DISC1: variants seen among roughly 807,000 people sequenced by gnomAD.
DISC1 encodes the protein DISC1 scaffold protein, also known as disrupted in schizophrenia 1 protein.
In DISC1, 57 loss-of-function variants were observed where a neutral mutation model predicts 84.5. That is an observed-to-expected ratio of 0.67 (90% CI 0.55 to 0.84). The LOEUF is 0.84. DISC1 is among the 40% of genes least tolerant of loss of function. DISC1 has a pLI of 0.00. For missense variants in DISC1, 1,000 were observed against 1,057.8 expected (o/e 0.95, Z 0.76); for synonymous variants, 411 against 415.2 (o/e 0.99, Z 0.12).
At chr1:231,743,686 C>T (rs200104378) in intron 3 of DISC1, among the ~76,000 whole-genome samples, 48 of 152,324 alleles carry the variant, frequency 3.2e-4, no homozygotes, top group Non-Finnish European at 6.2e-4. Flanking sequence ...AGTGGGGTGT[C>T]TGAATTAGCT....
intron 10 of DISC1, among the ~76,000 whole-genome samples, chr1:231,985,389 T>C (rs821662): frequency 0.43 from 64,316 of 150,324 alleles, 15,541 homozygotes; most frequent in African/African-American, 0.67. Context: ...CTTCAGTGTG[T>C]TATTATGCAG....
At chr1:231,642,428 C>T (rs1399979321) in intron 1 of DISC1, among the ~76,000 whole-genome samples, 11 of 152,294 alleles carry the variant, frequency 7.2e-5, no homozygotes, top group Admixed American at 5.9e-4. Context: ...GTGCCGAGAG[C>T]GAGCGCGGGC....
chr1:231,678,500 C>G (rs1220348889), intron 1 of DISC1, among the ~76,000 whole-genome samples: 2 of 152,192 alleles, frequency 1.3e-5, no homozygotes, highest in Non-Finnish European at 2.9e-5. Flanking sequence ...TTCATGTTCT[C>G]CAATCTTTCC....
At chr1:231,869,047 C>T (rs1305422392) in intron 9 of DISC1, among the ~76,000 whole-genome samples, 6 of 151,938 alleles carry the variant, frequency 3.9e-5, no homozygotes, top group Non-Finnish European at 7.4e-5. Context: ...GTTGCTGGAC[C>T]CATAATGAGA....
At chr1:231,828,713 C>A (rs1356474333) in intron 9 of DISC1, among the ~76,000 whole-genome samples, 1 of 152,046 alleles carries the variant, frequency 6.6e-6, no homozygotes, top group Non-Finnish European at 1.5e-5. Context: ...TCTGTGCTTG[C>A]AGTACAGGAA....
chr1:231,985,471 A>G (rs1664293670), intron 10 of DISC1, among the ~76,000 whole-genome samples: 1 of 152,154 alleles, frequency 6.6e-6, no homozygotes, highest in African/African-American at 2.4e-5. Context: ...TGCCATTCGT[A>G]GCAGCAGGAT....
intron 1 of DISC1, among the ~76,000 whole-genome samples, chr1:231,666,025 G>C (rs1357717587): frequency 6.6e-6 from 1 of 152,164 alleles, no homozygotes; most frequent in African/African-American, 2.4e-5. Context: ...TCTCTTAAAA[G>C]GTGGTGCTTA....
intron 9 of DISC1, among the ~76,000 whole-genome samples, chr1:231,952,090 CAAA>C (rs11392611): frequency 0.16 from 8,574 of 53,646 alleles, 196 homozygotes; most frequent in African/African-American, 0.29. Flanking sequence ...CTCAATGTCT[CAAA>C]AAAAAAAAAA....
At position 231,938,129 on chromosome 1, in the gene DISC1, T is replaced by A. The variant is rs145643963; in HGVS notation, c.1982-20699T>A. Among the ~76,000 whole-genome samples, 5 of 152,216 alleles carry A rather than the reference T, an allele frequency of 3.3e-5. No homozygotes were observed. The East Asian group carries it at 9.7e-4, about 29-fold the overall frequency. Reference sequence around the variant, plus strand: ...GATGTGGTAGGCAGAATAATGACCCTCCCAAGGATGTCCATGCCCTTATCC... The same window carrying A: ...GATGTGGTAGGCAGAATAATGACCCACCCAAGGATGTCCATGCCCTTATCC... On this transcript the variant is annotated intron_variant, in intron 9 of 12. Transcript: ENST00000439617.
chr1:231,755,212 AT>A (rs903060975), intron 4 of DISC1, among the ~76,000 whole-genome samples: 395 of 143,656 alleles, frequency 2.7e-3, no homozygotes, highest in Non-Finnish European at 3.7e-3. Flanking sequence ...TTTCTTCTTA[AT>A]TTTTTTTTTT....
chr1:231,994,883 T>A (rs1665699820), intron 10 of DISC1, among the ~76,000 whole-genome samples: 2 of 152,184 alleles, frequency 1.3e-5, no homozygotes, highest in Admixed American at 6.5e-5. Context: ...GGGGTTGCTA[T>A]CCATTGTGTT....
chr1:231,786,212 A>G (rs1337114351), intron 6 of DISC1, among the ~76,000 whole-genome samples: 1 of 152,352 alleles, frequency 6.6e-6, no homozygotes, highest in East Asian at 1.9e-4. Flanking sequence ...TTTTTGAATG[A>G]TAGAGCAGTT....
chr1:231,956,234 C>T (rs1659478669), intron 9 of DISC1, among the ~76,000 whole-genome samples: 1 of 152,170 alleles, frequency 6.6e-6, no homozygotes, highest in Non-Finnish European at 1.5e-5. Context: ...TCATATGCTT[C>T]ATTGAACCTA....
At chr1:231,904,229 A>C (rs2088443373) in intron 9 of DISC1, among the ~76,000 whole-genome samples, 1 of 152,204 alleles carries the variant, frequency 6.6e-6, no homozygotes, top group African/African-American at 2.4e-5. Flanking sequence ...TAACAGCTAC[A>C]TGTTGTTCCA....
chr1:231,972,042 A>G (rs536414975), intron 10 of DISC1, among the ~76,000 whole-genome samples: 1 of 152,212 alleles, frequency 6.6e-6, no homozygotes, highest in Admixed American at 6.5e-5. Context: ...GTGGTTTTGC[A>G]ATGGAGGCGT....
Position 231,694,112 on chromosome 1 carries a change from T to G in DISC1, c.354T>G (p.Phe118Leu). Residue 118 changes from phenylalanine to leucine, a missense_variant, in exon 2 of 13, where the codon TTT (phenylalanine) becomes TTG (leucine). Transcript: ENST00000439617. ...VTSVRGTSAH[F>L]GIQLRGGTRL... ...CTGTGAGAGGAACCTCGGCGCACTT[T>G]GGGATTCAGCTCAGAGGTGGCACCA... 1 of 1,614,146 alleles carries G rather than the reference T, an allele frequency of 6.2e-7. No homozygotes were observed. Among genetic ancestry groups the G allele is most frequent in the South Asian group, 1.1e-5 (1 of 91,068 alleles).
chr1:231,739,452 C>A (rs866818472), intron 3 of DISC1, among the ~76,000 whole-genome samples: 5 of 152,340 alleles, frequency 3.3e-5, no homozygotes, highest in Admixed American at 1.3e-4. Flanking sequence ...GGCTCATCAC[C>A]ACGTGTGCTG....
chr1:231,997,948 G>A (rs1666167911), intron 10 of DISC1, among the ~76,000 whole-genome samples: 1 of 149,774 alleles, frequency 6.7e-6, no homozygotes, highest in African/African-American at 2.6e-5. Flanking sequence ...TAAATGGAAT[G>A]GCTAAAACCT....
intron 6 of DISC1, among the ~76,000 whole-genome samples, chr1:231,786,583 T>C (rs1159725868): frequency 7.9e-5 from 12 of 152,068 alleles, no homozygotes; most frequent in African/African-American, 2.7e-4. Context: ...CTACCAAAGA[T>C]TGTATGGAAT....
Sources: allele counts gnomAD v4.1 joint callset (sites outside exome capture counted in the v4.1 genomes callset), GRCh38; gene constraint gnomAD v4.1.1; transcripts MANE v1.5; gene names NCBI Gene and HGNC (gene_info 2026-07-23, HGNC 2026-07-21).